TMPRSS11D: variants seen among roughly 807,000 people sequenced by gnomAD.
TMPRSS11D encodes the protein transmembrane serine protease 11D.
TMPRSS11D carries 32 observed loss-of-function variants against 44.4 expected under a neutral mutation model. That is an observed-to-expected ratio of 0.72 (90% CI 0.54 to 0.97). The LOEUF (loss-of-function observed/expected upper bound fraction) is 0.97. Among genes scored for constraint, TMPRSS11D ranks in the 50% least tolerant of loss-of-function variants. The probability of loss-of-function intolerance (pLI) is 0.00; values close to 1 mark genes in which losing one functional copy is unlikely to be tolerated. For missense variants in TMPRSS11D, 446 were observed against 502.6 expected (o/e 0.89, Z 1.08); for synonymous variants, 179 against 177.9 (o/e 1.01, Z -0.05).
intron 7 of TMPRSS11D, 72 bp downstream of exon 7, chr4:67,833,132 G>C (rs1717987317): frequency 7.9e-7 from 1 of 1,259,132 alleles, no homozygotes; most frequent in East Asian, 2.9e-5. Context: ...TTCAATCCTA[G>C]GGTAGAGGGT....
At chr4:67,838,005 A>T in intron 5 of TMPRSS11D, 167 bp downstream of exon 5, 1 of 487,558 alleles carries the variant, frequency 2.1e-6, no homozygotes, top group Non-Finnish European at 3.4e-6. Flanking sequence ...AAGTCTTAGA[A>T]TGATTTACGT....
At position 67,835,135 on chromosome 4, in the gene TMPRSS11D, A is replaced by T. The variant is rs951209213; in HGVS notation, c.476-14T>A. 1.9e-6 allele frequency: 3 copies of T among 1,607,920 alleles called. No individual in the cohort carries two copies. Among genetic ancestry groups the T allele is most frequent in the Non-Finnish European group, 2.6e-6 (3 of 1,174,940 alleles). On this transcript the variant is annotated splice_polypyrimidine_tract_variant and intron_variant, in intron 5 of 9. Transcript: ENST00000283916. ...GGTCAGTAAGTGCTAGTATTAAAAA[A>T]TGAGAATAAGATAAATACAATAAAG...
chr4:67,863,424 T>C (rs1166661803), intron 1 of TMPRSS11D, among the ~76,000 whole-genome samples: 1 of 152,008 alleles, frequency 6.6e-6, no homozygotes, highest in Non-Finnish European at 1.5e-5. Flanking sequence ...CCCAGGGTTG[T>C]ATTAAAGAAT....
At position 67,825,942 on chromosome 4, in the gene TMPRSS11D, T is replaced by A. The variant is rs763075818; in HGVS notation, c.953-68A>T. On this transcript the variant is annotated intron_variant, in intron 8 of 9. Transcript: ENST00000283916. Reference sequence around the variant, plus strand: ...GTACATTATTGACCCTATAATAAATTTGAGAAGAAATAAATGTACTCCAAA... The same window carrying A: ...GTACATTATTGACCCTATAATAAATATGAGAAGAAATAAATGTACTCCAAA... The A allele has an allele frequency of 5.2e-5, 74 of 1,431,500 alleles. 1 individual carries two copies. Among genetic ancestry groups the A allele is most frequent in the Non-Finnish European group, 6.9e-5 (74 of 1,073,334 alleles). 88.7% of individuals were successfully genotyped at this position (1,431,500 alleles called of 1,614,324 possible). A position where few individuals can be genotyped will look rare whatever the true frequency, so the allele number is the denominator to read the frequency against.
intron 1 of TMPRSS11D, among the ~76,000 whole-genome samples, chr4:67,862,653 A>T (rs903823326): frequency 6.6e-6 from 1 of 152,158 alleles, no homozygotes; most frequent in African/African-American, 2.4e-5. Flanking sequence ...ACTTGGAACC[A>T]ACCCAAATGT....
intron 5 of TMPRSS11D, chr4:67,837,894 T>C (rs1330158583): frequency 4.2e-6 from 1 of 240,312 alleles, no homozygotes; most frequent in African/African-American, 2.2e-5. Flanking sequence ...TATCCACTAA[T>C]GACATCTGAC....
At chr4:67,868,651 A>G (rs563011898) in intron 1 of TMPRSS11D, among the ~76,000 whole-genome samples, 1 of 152,298 alleles carries the variant, frequency 6.6e-6, no homozygotes, top group South Asian at 2.1e-4. Context: ...AATAATCTAG[A>G]AAAATAAGTC....
In TMPRSS11D at chr4:67,838,276, C is replaced by G. The variant is rs1718149412; in HGVS notation, c.371G>C (p.Arg124Thr). The G allele has an allele frequency of 2.5e-6, 4 of 1,599,430 alleles. No individual in the cohort carries two copies. Among genetic ancestry groups the G allele is most frequent in the Non-Finnish European group, 2.6e-6 (3 of 1,174,088 alleles). ...ADVVMKFQFTRNNNGASMKSR... is the reference protein window; with the variant it reads ...ADVVMKFQFTTNNNGASMKSR... ...TTTCATTGATGCTCCATTGTTATTT[C>G]TAGTGAATTGAAATTTCATGACAAC... The change falls in exon 5 of 10, where the codon AGA becomes ACA. Residue 124 changes from arginine (R) to threonine (T), a missense_variant. Physicochemically the swap from Arg to Thr is moderately conservative, Grantham distance 71. Transcript: ENST00000283916.
At chr4:67,823,714 A>G (rs1349469051) in intron 9 of TMPRSS11D, among the ~76,000 whole-genome samples, 1 of 152,156 alleles carries the variant, frequency 6.6e-6, no homozygotes, top group Non-Finnish European at 1.5e-5. Flanking sequence ...TGAAGTGCCA[A>G]TATGCATGGC....
intron 2 of TMPRSS11D, among the ~76,000 whole-genome samples, chr4:67,856,823 A>G (rs944173625): frequency 3.3e-5 from 5 of 152,156 alleles, no homozygotes; most frequent in Non-Finnish European, 5.9e-5. Flanking sequence ...GTGGGCAAAG[A>G]ACATGAGCGA....
intron 3 of TMPRSS11D, among the ~76,000 whole-genome samples, chr4:67,844,071 C>T (rs548973421): frequency 6.6e-6 from 1 of 152,198 alleles, no homozygotes; most frequent in East Asian, 1.9e-4. Flanking sequence ...ATACAGTTCT[C>T]CTGAGATGCA....
At chr4:67,842,807 C>T (rs1354976557) in intron 3 of TMPRSS11D, among the ~76,000 whole-genome samples, 182 bp from the exon 4 acceptor site, 1 of 152,166 alleles carries the variant, frequency 6.6e-6, no homozygotes, top group African/African-American at 2.4e-5. Flanking sequence ...CCTTTTGATG[C>T]AGTACCTATT....
intron 1 of TMPRSS11D, among the ~76,000 whole-genome samples, chr4:67,879,654 T>C (rs541812103): frequency 1.3e-5 from 2 of 152,190 alleles, no homozygotes; most frequent in Admixed American, 1.3e-4. Flanking sequence ...GGAGTGATTA[T>C]GTAAACTCAC....
chr4:67,866,867 T>C (rs2165361), intron 1 of TMPRSS11D, among the ~76,000 whole-genome samples: 58,955 of 151,902 alleles, frequency 0.39, 12,057 homozygotes, highest in Middle Eastern at 0.53. Context: ...CCCATGCTCA[T>C]GCATCGGAAG....
At chr4:67,877,921 T>A (rs1001065827) in intron 1 of TMPRSS11D, among the ~76,000 whole-genome samples, 7 of 152,200 alleles carry the variant, frequency 4.6e-5, no homozygotes, top group African/African-American at 1.7e-4. Flanking sequence ...GAAGCTAGAA[T>A]CATCTTTTAA....
At chr4:67,857,832 A>T (rs1231679075) in intron 2 of TMPRSS11D, among the ~76,000 whole-genome samples, 4 of 152,194 alleles carry the variant, frequency 2.6e-5, no homozygotes, top group Non-Finnish European at 5.9e-5. Flanking sequence ...ACAATCTATT[A>T]TGTATTTCAA....
At position 67,859,697 on chromosome 4, in the gene TMPRSS11D, C is replaced by G. The variant is rs1169418084; in HGVS notation, c.9-19G>C. ...TGCTGGCCTTACAAGAGAGAGAGAT[C>G]AAAGAAAGTCATTCATTTCACTGAT... On this transcript the variant is annotated intron_variant, in intron 1 of 9. Transcript: ENST00000283916. The G allele has an allele frequency of 6.2e-7, 1 of 1,610,504 alleles. No homozygotes were observed. Among genetic ancestry groups the G allele is most frequent in the Non-Finnish European group, 8.5e-7 (1 of 1,177,680 alleles).
At position 67,854,199 on chromosome 4, in the gene TMPRSS11D, TA is replaced by T; in HGVS notation, c.131-14del. The T allele has an allele frequency of 7.5e-7, 1 of 1,335,978 alleles. No homozygotes were observed. 82.8% of individuals were successfully genotyped at this position (1,335,978 alleles called of 1,614,324 possible). A position where few individuals can be genotyped will look rare whatever the true frequency, so the allele number is the denominator to read the frequency against. On this transcript the variant is annotated splice_polypyrimidine_tract_variant and intron_variant, in intron 2 of 9. Coordinates refer to ENST00000283916, the MANE Select transcript of TMPRSS11D (RefSeq NM_004262.3). The stretch of plus-strand genomic sequence containing the variant: ...TAAGATTTTTGATCTGAAAAAGAAA[TA>T]AAAGGGAAGGTCAGTCTTACTTTAC...
chr4:67,823,903 C>T (rs1434305990), intron 9 of TMPRSS11D, among the ~76,000 whole-genome samples: 1 of 152,066 alleles, frequency 6.6e-6, no homozygotes, highest in East Asian at 1.9e-4. Context: ...GCAAGAGGGA[C>T]TTGTAATTTT....
Sources: allele counts gnomAD v4.1 joint callset (sites outside exome capture counted in the v4.1 genomes callset), GRCh38; gene constraint gnomAD v4.1.1; transcripts MANE v1.5; gene names NCBI Gene and HGNC (gene_info 2026-07-23, HGNC 2026-07-21).